Variants in MEGF11 observed in about 807,000 individuals in gnomAD.
MEGF11 encodes the protein multiple epidermal growth factor-like domains protein 11.
In MEGF11, 126 loss-of-function variants were observed where a neutral mutation model predicts 146.6. That is an observed-to-expected ratio of 0.86 (90% confidence interval 0.74 to 1.00). The LOEUF is 1.00. Among genes scored for constraint, MEGF11 ranks in the 50% least tolerant of loss-of-function variants. The probability of loss-of-function intolerance (pLI) is 0.00; values close to 1 mark genes in which losing one functional copy is unlikely to be tolerated. For synonymous variants in MEGF11, 532 were observed against 583.4 expected, an observed-to-expected ratio of 0.91 and a Z score of 1.27; for missense variants, 1,509 against 1,521.2, an observed-to-expected ratio of 0.99 and a Z score of 0.13.
intron 1 of MEGF11, among the ~76,000 whole-genome samples, chr15:66,138,780 A>G (rs2089008173): frequency 6.6e-6 from 1 of 152,234 alleles, no homozygotes; most frequent in African/African-American, 2.4e-5. Context: ...CAAGGTTGAG[A>G]TGCCAAAGAG....
At position 65,897,942 on chromosome 15, in the gene MEGF11, G is replaced by A; in HGVS notation, c.3415C>T (p.Gln1139Ter). ...SPANGPSQDK[Q>*]S is the part of the protein sequence containing the mutation. ...AGAGAAGCTTATCCCTCTTAAGATT[G>A]CTTGTCCTGGGACGGCCCATTGGCA... Residue 1139 changes from glutamine (Q) to a stop codon, truncating the protein, a stop_gained, in exon 26 of 26, where the codon CAA (glutamine) becomes TAA (stop). Coordinates refer to ENST00000395614, the MANE Select transcript of MEGF11 (RefSeq NM_001385028.1). LOFTEE classifies it high-confidence loss of function. 6.2e-7 allele frequency: 1 copy of A among 1,613,700 alleles called. No homozygotes were observed. The highest frequency in any genetic ancestry group is 2.2e-5 in the East Asian group (1 of 44,892).
intron 1 of MEGF11, among the ~76,000 whole-genome samples, chr15:66,246,878 C>G (rs756933823): frequency 6.6e-6 from 1 of 152,082 alleles, no homozygotes; most frequent in African/African-American, 2.4e-5. Context: ...GAGATTGATG[C>G]GTGATCCAGG....
chr15:66,186,748 GAGAGATGGTCT>G (rs1267635860), intron 1 of MEGF11, among the ~76,000 whole-genome samples: 2 of 152,246 alleles, frequency 1.3e-5, no homozygotes, highest in Non-Finnish European at 2.9e-5. Flanking sequence ...AAATCTAACT[GAGAGATGGTCT>G]AGACAGGTTT....
chr15:66,042,299 G>A (rs760230363), intron 5 of MEGF11, among the ~76,000 whole-genome samples: 5 of 151,878 alleles, frequency 3.3e-5, no homozygotes, highest in South Asian at 2.1e-4. Context: ...TAGTAGAGAC[G>A]GGGTTTCACC....
chr15:65,965,034 G>A lies in MEGF11; in HGVS notation c.986C>T (p.Thr329Ile), dbSNP rs1178836321. ...DCHNGGQCSP[T>I]TGACECEPGY... ...AGGCTCACACTCGCAGGCACCCGTG[G>A]TGGGTGAACACTGCCCCCCATTGTG... The change falls in exon 9 of 26, where the codon ACC (threonine) becomes ATC (isoleucine). Residue 329 changes from threonine (T) to isoleucine (I), a missense_variant. Thr to Ile is a moderately conservative substitution (Grantham distance 89). Coordinates refer to ENST00000395614, the MANE Select transcript of MEGF11 (RefSeq NM_001385028.1). 8.2e-6 allele frequency: 13 copies of A among 1,585,890 alleles called. No homozygotes were observed. The highest frequency in any genetic ancestry group is 1.8e-5 in the Admixed American group (1 of 56,586).
At chr15:66,249,535 T>C (rs1001435109) in intron 1 of MEGF11, among the ~76,000 whole-genome samples, 7 of 152,178 alleles carry the variant, frequency 4.6e-5, no homozygotes, top group Admixed American at 3.3e-4. Context: ...TATGTGCTGA[T>C]GAAGATAAAA....
intron 5 of MEGF11, among the ~76,000 whole-genome samples, chr15:66,012,891 C>T (rs2082754725): frequency 1.3e-5 from 2 of 152,230 alleles, no homozygotes; most frequent in Non-Finnish European, 2.9e-5. Context: ...GGGCCAGCCC[C>T]CGCACAGGGG....
intron 1 of MEGF11, among the ~76,000 whole-genome samples, chr15:66,230,871 C>G (rs919152094): frequency 1.3e-5 from 2 of 152,146 alleles, no homozygotes; most frequent in African/African-American, 4.8e-5. Context: ...GAAATGGAAA[C>G]CCAGAGAGGG....
chr15:66,176,244 T>A (rs1417432390), intron 1 of MEGF11, among the ~76,000 whole-genome samples: 2 of 152,120 alleles, frequency 1.3e-5, no homozygotes, highest in African/African-American at 4.8e-5. Flanking sequence ...CGGAAAACAG[T>A]ATGGAGGTTT....
intron 5 of MEGF11, among the ~76,000 whole-genome samples, chr15:66,017,858 G>A (rs2096826366): frequency 6.6e-6 from 1 of 152,252 alleles, no homozygotes; most frequent in East Asian, 1.9e-4. Context: ...GAGCACAGAA[G>A]GACTGGGGTG....
intron 1 of MEGF11, among the ~76,000 whole-genome samples, chr15:66,198,049 A>AC (rs1352697142): frequency 1.3e-5 from 2 of 152,208 alleles, no homozygotes; most frequent in South Asian, 2.1e-4. Flanking sequence ...CTACAGTGAG[A>AC]CCCCATCTCA....
At position 65,913,977 on chromosome 15, in the gene MEGF11, C is replaced by T. The variant is rs1298275413; in HGVS notation, c.2474-4G>A. The stretch of plus-strand genomic sequence containing the variant: ...AGCTCCTCCATCATGAGGGCAGCTG[C>T]GGGCAGAGGGAGGGCCTGAGCCTGG... On this transcript the variant is annotated splice_region_variant and splice_polypyrimidine_tract_variant and intron_variant, in intron 19 of 25. Transcript: ENST00000395614. 12 of 1,612,122 alleles carry T rather than the reference C, an allele frequency of 7.4e-6. No individual in the cohort carries two copies. Among genetic ancestry groups the T allele is most frequent in the African/African-American group, 2.7e-5 (2 of 74,888 alleles).
intron 9 of MEGF11, among the ~76,000 whole-genome samples, chr15:65,961,299 C>G (rs1161368197): frequency 6.6e-6 from 1 of 151,970 alleles, no homozygotes; most frequent in Non-Finnish European, 1.5e-5. Context: ...TTTCTTTTCT[C>G]CCATTTCCCC....
intron 5 of MEGF11, among the ~76,000 whole-genome samples, chr15:66,035,456 C>T (rs142573124): frequency 2.8e-4 from 43 of 152,266 alleles, no homozygotes; most frequent in African/African-American, 8.2e-4. Flanking sequence ...TTCCCATCTC[C>T]GTGCCTTTGC....
rs1369039457 is a variant in MEGF11, at chr15:65,955,785, T to C, written c.1287+1762A>G. ...AAATATATATATATATATATATATATATATATATACACACACACACACACA... is the reference window on the plus strand; with the variant it reads ...AAATATATATATATATATATATATACATATATATACACACACACACACACA... On this transcript the variant is annotated intron_variant, in intron 10 of 25. Transcript: ENST00000395614. Among the ~76,000 whole-genome samples, 20 of 7,044 alleles carry C rather than the reference T, an allele frequency of 2.8e-3. 3 individuals carry two copies. Among genetic ancestry groups the C allele is most frequent in the Non-Finnish European group, 3.5e-3 (6 of 1,714 alleles). 4.6% of individuals were successfully genotyped at this position (7,044 alleles called of 152,430 possible). A position where few individuals can be genotyped will look rare whatever the true frequency, so the allele number is the denominator to read the frequency against.
chr15:65,936,430 G>T (rs1224051430), intron 10 of MEGF11, among the ~76,000 whole-genome samples: 1 of 152,340 alleles, frequency 6.6e-6, no homozygotes, highest in East Asian at 1.9e-4. Flanking sequence ...AGATGTTTGT[G>T]TGTACATGCT....
intron 1 of MEGF11, among the ~76,000 whole-genome samples, chr15:66,244,298 G>A (rs2092262872): frequency 6.6e-6 from 1 of 152,110 alleles, no homozygotes; most frequent in Admixed American, 6.5e-5. Context: ...CCATTAGTAA[G>A]TCCTCTCCTG....
intron 1 of MEGF11, among the ~76,000 whole-genome samples, chr15:66,172,869 T>G (rs1419374321): frequency 6.6e-6 from 1 of 152,174 alleles, no homozygotes; most frequent in East Asian, 1.9e-4. Flanking sequence ...CAGGGCTGGC[T>G]CCAAAACTCC....
intron 1 of MEGF11, among the ~76,000 whole-genome samples, chr15:66,154,878 T>C (rs941882697): frequency 2.0e-5 from 3 of 152,116 alleles, no homozygotes; most frequent in Admixed American, 2.0e-4. Flanking sequence ...TATTCAAGTG[T>C]TTCAATATTT....
Sources: allele counts gnomAD v4.1 joint callset (sites outside exome capture counted in the v4.1 genomes callset), GRCh38; gene constraint gnomAD v4.1.1; transcripts MANE v1.5; gene names NCBI Gene and HGNC (gene_info 2026-07-23, HGNC 2026-07-21).